EFCAB5: variants seen among roughly 807,000 people sequenced by gnomAD.
The protein encoded by EFCAB5 is EF-hand calcium-binding domain-containing protein 5.
A neutral mutation model predicts 167.9 loss-of-function variants in EFCAB5; 131 were observed. That is an observed-to-expected ratio of 0.78 (90% CI 0.68 to 0.90). The LOEUF (loss-of-function observed/expected upper bound fraction) is 0.90. EFCAB5 is among the 40% of genes least tolerant of loss of function. EFCAB5 has a pLI of 0.00. For missense variants in EFCAB5, 1,663 were observed against 1,745.2 expected (o/e 0.95, Z 0.84); for synonymous variants, 574 against 602.8 (o/e 0.95, Z 0.70).
intron 7 of EFCAB5, among the ~76,000 whole-genome samples, chr17:30,001,051 C>T (rs1458015070): frequency 6.6e-6 from 1 of 152,192 alleles, no homozygotes; most frequent in African/African-American, 2.4e-5. Flanking sequence ...CCTCTCGTGG[C>T]TTGCATTTCT....
At chr17:29,985,804 C>G (rs568851146) in intron 4 of EFCAB5, among the ~76,000 whole-genome samples, 1 of 152,296 alleles carries the variant, frequency 6.6e-6, no homozygotes, top group Admixed American at 6.5e-5. Context: ...TCATGGCCAT[C>G]AGGAACATGT....
intron 4 of EFCAB5, among the ~76,000 whole-genome samples, chr17:29,972,151 C>T (rs922751300): frequency 1.3e-5 from 2 of 151,762 alleles, no homozygotes; most frequent in African/African-American, 4.8e-5. Context: ...CATTCTCCTA[C>T]CTCAGCCTCC....
chr17:29,986,637 AT>A (rs911310972), intron 4 of EFCAB5, among the ~76,000 whole-genome samples: 636 of 58,016 alleles, frequency 0.011, no homozygotes, highest in African/African-American at 0.018. Context: ...GAGTATATTC[AT>A]TTTTTTTTTT....
chr17:29,958,474 T>A (rs1282447174), intron 3 of EFCAB5, among the ~76,000 whole-genome samples: 2 of 152,190 alleles, frequency 1.3e-5, no homozygotes, highest in African/African-American at 4.8e-5. Flanking sequence ...GCTCCAGAAT[T>A]TCTGCTTGAT....
chr17:29,953,951 CT>C (rs766033399), intron 3 of EFCAB5, among the ~76,000 whole-genome samples: 5 of 152,156 alleles, frequency 3.3e-5, no homozygotes, highest in Non-Finnish European at 5.9e-5. Context: ...AGGTGACTTG[CT>C]ATGTTTTAGC....
intron 7 of EFCAB5, among the ~76,000 whole-genome samples, chr17:30,005,538 T>C (rs544939352): frequency 1.3e-5 from 2 of 152,340 alleles, no homozygotes; most frequent in East Asian, 1.9e-4. Flanking sequence ...AAAGACATTA[T>C]TTATGATCAC....
chr17:30,069,681 G>A (rs2070678583), intron 14 of EFCAB5: 4 of 1,402,364 alleles, frequency 2.9e-6, no homozygotes, highest in Non-Finnish European at 4.0e-6. Context: ...GGCGCTCACA[G>A]GCTGTGTACT....
In EFCAB5 at chr17:30,023,324, C is replaced by T. The variant is rs1450150348; in HGVS notation, c.1045-10906C>T. On this transcript the variant is annotated intron_variant, in intron 7 of 22. Transcript: ENST00000394835. ...AAAAACGAGAGAAGAATCAAATAGA[C>T]GCAATAAAAAATGATAAAGGGGATA... is the stretch of plus-strand genomic sequence containing the variant. Among the ~76,000 whole-genome samples the T allele has an allele frequency of 3.9e-5, 6 of 151,936 alleles. No individual in the cohort carries two copies. The East Asian group carries it at 7.7e-4, about 20-fold the overall frequency.
chr17:29,958,780 A>C (rs1215131748), intron 3 of EFCAB5, among the ~76,000 whole-genome samples: 1 of 152,116 alleles, frequency 6.6e-6, no homozygotes, highest in Non-Finnish European at 1.5e-5. Flanking sequence ...AATGCTTTCT[A>C]AGTATTCAAA....
At chr17:30,099,659 C>T (rs1481854632) in intron 22 of EFCAB5, among the ~76,000 whole-genome samples, 1 of 152,180 alleles carries the variant, frequency 6.6e-6, no homozygotes, top group East Asian at 1.9e-4. Flanking sequence ...TGCTGGATGA[C>T]TTCCTCCATG....
At chr17:30,046,940 G>A (rs1682097581) in intron 8 of EFCAB5, among the ~76,000 whole-genome samples, 1 of 152,164 alleles carries the variant, frequency 6.6e-6, no homozygotes, top group Admixed American at 6.5e-5. Flanking sequence ...TACTCCAAGA[G>A]ATCAGTAAGT....
At chr17:30,040,203 T>A (rs2069732911) in intron 8 of EFCAB5, among the ~76,000 whole-genome samples, 1 of 152,226 alleles carries the variant, frequency 6.6e-6, no homozygotes, top group Non-Finnish European at 1.5e-5. Context: ...CTTTCTCTGC[T>A]ATTTCCTGAA....
chr17:30,034,609 A>G (rs1207915523), intron 8 of EFCAB5, among the ~76,000 whole-genome samples: 1 of 152,228 alleles, frequency 6.6e-6, no homozygotes, highest in Non-Finnish European at 1.5e-5. Context: ...CTCCATGTCC[A>G]GAAAGAATTT....
At chr17:30,043,422 A>G (rs1210896282) in intron 8 of EFCAB5, among the ~76,000 whole-genome samples, 1 of 152,168 alleles carries the variant, frequency 6.6e-6, no homozygotes, top group Non-Finnish European at 1.5e-5. Flanking sequence ...GGAAAAAAAA[A>G]AGAAAACTCT....
At chr17:30,027,679 A>G (rs2069368490) in intron 7 of EFCAB5, among the ~76,000 whole-genome samples, 1 of 152,062 alleles carries the variant, frequency 6.6e-6, no homozygotes, top group Admixed American at 6.6e-5. Context: ...TTTCTGGAAC[A>G]TGAAACTTTC....
At chr17:29,978,823 T>C (rs1310333109) in intron 4 of EFCAB5, among the ~76,000 whole-genome samples, 1 of 152,208 alleles carries the variant, frequency 6.6e-6, no homozygotes, top group Non-Finnish European at 1.5e-5. Flanking sequence ...AGATAATTTG[T>C]CTGTTCATAG....
At chr17:29,984,563 T>C (rs1040554146) in intron 4 of EFCAB5, among the ~76,000 whole-genome samples, 2 of 151,646 alleles carry the variant, frequency 1.3e-5, no homozygotes, top group Non-Finnish European at 2.9e-5. Context: ...ACTAAAAATA[T>C]AAAAAATTAG....
At chr17:30,058,080 CATT>C (rs1052118206) in intron 13 of EFCAB5, among the ~76,000 whole-genome samples, 190 bp downstream of exon 13, 5 of 152,210 alleles carry the variant, frequency 3.3e-5, no homozygotes, top group African/African-American at 1.2e-4. Context: ...CCAGAGAACT[CATT>C]CCCCTAATAA....
chr17:30,083,106 T>C (rs12941382), intron 18 of EFCAB5, 63 bp downstream of exon 18: 761,287 of 1,507,750 alleles, frequency 0.5, 194,537 homozygotes, highest in African/African-American at 0.54. Context: ...TGTTATTTCT[T>C]GCTAATATTT....
Sources: gnomAD v4.1 joint callset for allele counts (sites outside exome capture counted in the v4.1 genomes callset) on GRCh38, gnomAD v4.1.1 for gene constraint, MANE v1.5 for transcripts, NCBI Gene and HGNC (gene_info 2026-07-23, HGNC 2026-07-21) for gene names.